POM121: variants seen among roughly 807,000 people sequenced by gnomAD.
The protein encoded by POM121 is POM121 transmembrane nucleoporin, also known as nuclear envelope pore membrane protein POM 121.
A neutral mutation model predicts 81.3 loss-of-function variants in POM121; 32 were observed. The observed-to-expected ratio is 0.39, with a 90% CI of 0.30 to 0.53. The LOEUF (loss-of-function observed/expected upper bound fraction) is 0.53, where lower values mean the gene tolerates loss of function less well. Ranked by LOEUF, POM121 falls within the 20% of genes least tolerant of loss-of-function variation. The pLI is 0.66. For synonymous variants in POM121, 514 were observed against 694.2 expected (o/e 0.74, Z 4.08); for missense variants, 1,138 against 1,614.6 (o/e 0.70, Z 5.06).
chr7:72,933,419 G>T (rs1411831580), intron 5 of POM121, among the ~76,000 whole-genome samples: 1 of 152,186 alleles, frequency 6.6e-6, no homozygotes, highest in Non-Finnish European at 1.5e-5. Context: ...TATGTTGAAT[G>T]ATTATTTTCA....
intron 3 of POM121, among the ~76,000 whole-genome samples, chr7:72,892,517 C>T (rs1791401317): frequency 6.6e-6 from 1 of 152,234 alleles, no homozygotes; most frequent in Non-Finnish European, 1.5e-5. Flanking sequence ...GTTCAGTATT[C>T]TCCCATACCT....
At chr7:72,883,791 G>A (rs1203562572) in intron 1 of POM121, among the ~76,000 whole-genome samples, 1 of 152,054 alleles carries the variant, frequency 6.6e-6, no homozygotes, top group African/African-American at 2.4e-5. Flanking sequence ...TTTTTGTGAA[G>A]TTAAGAACTA....
intron 4 of POM121, among the ~76,000 whole-genome samples, chr7:72,919,978 A>G (rs1243758332): frequency 6.6e-6 from 1 of 152,136 alleles, no homozygotes; most frequent in African/African-American, 2.4e-5. Flanking sequence ...GATTTGATCT[A>G]TATCATTGGT....
intron 5 of POM121, among the ~76,000 whole-genome samples, chr7:72,935,247 A>C (rs1410045244): frequency 1.3e-5 from 2 of 151,932 alleles, no homozygotes; most frequent in Admixed American, 6.6e-5. Flanking sequence ...ATCATAGCTC[A>C]CTACTGCCTT....
At position 72,925,765 on chromosome 7, in the gene POM121, G is replaced by T; in HGVS notation, c.644G>T (p.Arg215Leu). 1 of 1,224,142 alleles carries T rather than the reference G, an allele frequency of 8.2e-7. No individual in the cohort carries two copies. Among genetic ancestry groups the T allele is most frequent in the Non-Finnish European group, 1.0e-6 (1 of 979,238 alleles). The allele number at this position is 1,224,142 out of a possible 1,614,324, so 75.8% of individuals were successfully genotyped here. A position where few individuals can be genotyped will look rare whatever the true frequency, so the allele number is the denominator to read the frequency against. The change falls in exon 1 of 13, where the codon CGG becomes CTG. Residue 215 changes from arginine (R) to leucine (L), a missense_variant and splice_region_variant. This residue lies in a region of POM121 where 646 missense variants were observed against 633.5 expected (regional missense o/e 1.02). Transcript: ENST00000434423. ...CGACCCTCCAGGAGGCCTTCCCCAC[G>T]GTAAGATGCGCTGATTTTGTCAGAT... is the stretch of plus-strand genomic sequence containing the variant. Reference protein sequence around the residue: ...LLRPSRRPSPRDCGTLPNRFV... With the variant: ...LLRPSRRPSPLDCGTLPNRFV...
rs782601177 is a variant in POM121, at chr7:72,945,608, T to G, written c.3552T>G (p.Gly1184=). ...CAGGCACCGCCACCCCCACCTTTGG[T>G]CTGAACACCCCTGCGCCTGGAGTGG... The part of the protein sequence containing the change: ...VFGGTATPTF[G]LNTPAPGVGT... The change falls in exon 12 of 13, where the codon GGT becomes GGG. Residue 1184 remains glycine, a synonymous_variant. Transcript: ENST00000434423. 1.2e-4 allele frequency: 199 copies of G among 1,613,392 alleles called. 2 individuals carry two copies. The highest frequency in any genetic ancestry group is 1.6e-4 in the Non-Finnish European group (193 of 1,179,712).
intron 3 of POM121, among the ~76,000 whole-genome samples, chr7:72,892,633 TTCCCTCCCTCCCTTCC>T (rs1791414494): frequency 6.6e-6 from 1 of 151,994 alleles, no homozygotes; most frequent in Non-Finnish European, 1.5e-5. Context: ...TCTTCCTCTC[TTCCCTCCCTCCCTTCC>T]TCCCTCCCTC....
chr7:72,948,140 G>A lies in POM121; in HGVS notation c.*1906G>A, dbSNP rs146844170. ...GGGAACCCTGAGTGAGAATGAGTGT[G>A]GATGTGTACAGTACACGCACTGGAC... On this transcript the variant is annotated 3_prime_UTR_variant, in exon 13 of 13. Transcript: ENST00000434423. 7.1e-7 allele frequency: 1 copy of A among 1,417,624 alleles called. No homozygotes were observed. Among genetic ancestry groups the A allele is most frequent in the African/African-American group, 1.5e-5 (1 of 68,884 alleles). 87.8% of individuals were successfully genotyped at this position (1,417,624 alleles called of 1,614,324 possible). A position where few individuals can be genotyped will look rare whatever the true frequency, so the allele number is the denominator to read the frequency against.
intron 3 of POM121, among the ~76,000 whole-genome samples, chr7:72,901,543 C>T (rs1213574204): frequency 4.0e-5 from 6 of 151,862 alleles, no homozygotes; most frequent in Admixed American, 2.0e-4. Context: ...TCAGTAGAGA[C>T]GGAGTTTCAC....
chr7:72,948,133 T>G lies in POM121; in HGVS notation c.*1899T>G. On this transcript the variant is annotated 3_prime_UTR_variant, in exon 13 of 13. Coordinates refer to ENST00000434423, the MANE Select transcript of POM121 (RefSeq NM_001387691.1). ...CCGGTCCGGGAACCCTGAGTGAGAA[T>G]GAGTGTGGATGTGTACAGTACACGC... 7.1e-7 allele frequency: 1 copy of G among 1,404,760 alleles called. No individual in the cohort carries two copies. The highest frequency in any genetic ancestry group is 9.2e-7 in the Non-Finnish European group (1 of 1,082,764). The allele number at this position is 1,404,760 out of a possible 1,614,324, so 87.0% of individuals were successfully genotyped here.
intron 3 of POM121, among the ~76,000 whole-genome samples, chr7:72,895,251 G>A (rs1188983230): frequency 6.6e-6 from 1 of 152,210 alleles, no homozygotes; most frequent in Non-Finnish European, 1.5e-5. Flanking sequence ...CATTTCATCT[G>A]TTTGTAGGAC....
chr7:72,948,657 C>T (rs1184742822), downstream of POM121: 2 of 1,604,086 alleles, frequency 1.2e-6, no homozygotes, highest in Admixed American at 1.7e-5. Context: ...AGCATGCCCC[C>T]ACTCACTCAC....
At chr7:72,894,166 G>A (rs1791615858) in intron 3 of POM121, among the ~76,000 whole-genome samples, 1 of 152,140 alleles carries the variant, frequency 6.6e-6, no homozygotes, top group African/African-American at 2.4e-5. Flanking sequence ...TGGAGGCTGA[G>A]GCACAAGAAT....
chr7:72,915,541 T>A lies in POM121; in HGVS notation c.-152+1713T>A, dbSNP rs188032620. Among the ~76,000 whole-genome samples, 769 of 152,140 alleles carry A rather than the reference T, an allele frequency of 5.1e-3. 7 individuals are homozygous for A. Among genetic ancestry groups the A allele is most frequent in the African/African-American group, 0.015 (616 of 41,498 alleles). ...GTGTGCACTACTACACCCGGCTAAA[T>A]TTTTTGTATTTTTAATAGAGACAGG... On this transcript the variant is annotated intron_variant, in intron 4 of 15. Coordinates refer to the POM121 transcript ENST00000395270.
In POM121 at chr7:72,900,569, A is replaced by G. The variant is rs577393090; in HGVS notation, c.-216+9459A>G. 3.9e-5 allele frequency among the ~76,000 whole-genome samples: 6 copies of G among 152,154 alleles called. No individual in the cohort carries two copies. In the South Asian group the frequency reaches 8.3e-4, roughly 21 times the overall value. The stretch of plus-strand genomic sequence containing the variant: ...ACCCAGGCTGGAGTGCAGTGGCGCA[A>G]TCTTGGCTCACTGCAACCTCCACCT... On this transcript the variant is annotated intron_variant, in intron 3 of 15. Transcript: ENST00000395270.
downstream of POM121, chr7:72,949,264 G>A (rs546775261): frequency 3.0e-5 from 25 of 831,010 alleles, 1 homozygote; most frequent in Admixed American, 2.5e-4. Flanking sequence ...CCAGGTCTAA[G>A]CTGCTGTGGA....
rs1795278944 is a variant in POM121, at chr7:72,925,289, C to T, written c.168C>T (p.Ala56=). ...TCGTGCCGGCTGCGGCTGCACTGGC[C>T]TGGCTGACCGTGGGGGCTACCGCGG... ...LYLVPAAAAL[A]WLTVGATAAW... is the part of the protein sequence containing the mutation. Residue 56 remains alanine (A), a synonymous_variant, in exon 1 of 13, where the codon GCC becomes GCT. Transcript: ENST00000434423. The T allele has an allele frequency of 6.5e-7, 1 of 1,534,644 alleles. No homozygotes were observed. The highest frequency in any genetic ancestry group is 1.4e-5 in the African/African-American group (1 of 73,132).
chr7:72,945,555 A>G (rs781977167), intron 11 of POM121, 31 bp from the exon 12 acceptor site: 16 of 1,612,670 alleles, frequency 9.9e-6, no homozygotes, highest in Non-Finnish European at 1.4e-5. Flanking sequence ...CCCTCTGCTC[A>G]CTGGCCAGCT....
chr7:72,919,943 G>A (rs1321745686), intron 4 of POM121, among the ~76,000 whole-genome samples: 1 of 152,096 alleles, frequency 6.6e-6, no homozygotes, highest in Non-Finnish European at 1.5e-5. Context: ...TAAATAACAT[G>A]TACTGTTTTC....
Sources: gnomAD v4.1 joint callset for allele counts (sites outside exome capture counted in the v4.1 genomes callset) on GRCh38, gnomAD v4.1.1 for gene constraint, gnomAD v4.1.1 regional missense constraint, MANE v1.5 for transcripts, NCBI Gene and HGNC (gene_info 2026-07-23, HGNC 2026-07-21) for gene names.